Variants in SMYD3 observed in about 807,000 individuals in gnomAD.
SMYD3 encodes the protein histone-lysine N-methyltransferase SMYD3.
In SMYD3, 36 loss-of-function variants were observed where a neutral mutation model predicts 57.7. The ratio of observed to expected loss-of-function variants is 0.62; its 90% CI spans 0.48 to 0.82. SMYD3 has a LOEUF of 0.82. Among genes scored for constraint, SMYD3 ranks in the 40% least tolerant of loss-of-function variants. The pLI is 0.00. For synonymous variants in SMYD3, 211 were observed against 195.0 expected, an observed-to-expected ratio of 1.08 and a Z score of -0.68; for missense variants, 515 against 538.8, an observed-to-expected ratio of 0.96 and a Z score of 0.44.
chr1:246,176,959 T>C (rs2062445445), intron 5 of SMYD3, among the ~76,000 whole-genome samples: 2 of 152,216 alleles, frequency 1.3e-5, no homozygotes, highest in Non-Finnish European at 2.9e-5. Context: ...CTATAGACTT[T>C]AACCCAAATT....
At chr1:246,083,909 T>G (rs1202703147) in intron 5 of SMYD3, among the ~76,000 whole-genome samples, 2 of 152,122 alleles carry the variant, frequency 1.3e-5, no homozygotes, top group Non-Finnish European at 2.9e-5. Flanking sequence ...AATGAAAGAC[T>G]TTATTAGTAA....
intron 5 of SMYD3, among the ~76,000 whole-genome samples, chr1:245,979,984 G>A (rs1428159364): frequency 6.6e-6 from 1 of 152,218 alleles, no homozygotes; most frequent in African/African-American, 2.4e-5. Flanking sequence ...CAGTCTAGTG[G>A]ACATCGCACG....
intron 9 of SMYD3, among the ~76,000 whole-genome samples, chr1:245,861,550 G>T (rs9725801): frequency 1 from 151,557 of 152,314 alleles, 75,408 homozygotes; most frequent in Middle Eastern, 1. Flanking sequence ...AAGTCTAACC[G>T]GTGCATGGCA....
At chr1:246,470,520 A>AAAT (rs1572528032) in intron 1 of SMYD3, among the ~76,000 whole-genome samples, 1 of 141,782 alleles carries the variant, frequency 7.1e-6, no homozygotes, top group East Asian at 2.0e-4. Flanking sequence ...TAAAAAAAAA[A>AAAT]ATATATATAT....
chr1:245,757,234 G>T (rs1463020721), intron 11 of SMYD3, among the ~76,000 whole-genome samples: 1 of 151,982 alleles, frequency 6.6e-6, no homozygotes, highest in Non-Finnish European at 1.5e-5. Context: ...GGAATAATAT[G>T]ATATTTGTTC....
chr1:246,286,075 GTGTGGAGATTCCTTAAAGAAC>G, intron 5 of SMYD3, among the ~76,000 whole-genome samples: 1 of 152,190 alleles, frequency 6.6e-6, no homozygotes, highest in Non-Finnish European at 1.5e-5. Flanking sequence ...ATGGAAAACA[GTGTGGAGATTCCTTAAAGAAC>G]TAAAGTAGAA....
At chr1:245,807,278 A>C (rs1009775421) in intron 10 of SMYD3, among the ~76,000 whole-genome samples, 1 of 152,188 alleles carries the variant, frequency 6.6e-6, no homozygotes, top group African/African-American at 2.4e-5. Context: ...TCAGGTCAGC[A>C]AAAGGTCTTA....
chr1:246,216,286 C>CA (rs761129685), intron 5 of SMYD3, among the ~76,000 whole-genome samples: 2,278 of 125,550 alleles, frequency 0.018, 56 homozygotes, highest in African/African-American at 0.058. Context: ...GACTCCATTT[C>CA]AAAAAAAAAA....
chr1:246,361,582 G>GTA (rs1188482464), intron 1 of SMYD3, among the ~76,000 whole-genome samples: 1 of 152,052 alleles, frequency 6.6e-6, no homozygotes, highest in Non-Finnish European at 1.5e-5. Flanking sequence ...AGAAAATGTG[G>GTA]TATATATATA....
intron 5 of SMYD3, among the ~76,000 whole-genome samples, chr1:246,170,560 T>C (rs1443146158): frequency 6.6e-6 from 1 of 152,200 alleles, no homozygotes; most frequent in Non-Finnish European, 1.5e-5. Context: ...ACTCGATAAA[T>C]ATTTCTAAAT....
intron 5 of SMYD3, among the ~76,000 whole-genome samples, chr1:246,094,737 T>C (rs912935584): frequency 6.6e-6 from 1 of 152,238 alleles, no homozygotes; most frequent in African/African-American, 2.4e-5. Context: ...ACATATCACA[T>C]GAGCCATACT....
At chr1:246,276,529 C>T (rs1328362460) in intron 5 of SMYD3, among the ~76,000 whole-genome samples, 2 of 150,942 alleles carry the variant, frequency 1.3e-5, no homozygotes, top group South Asian at 2.1e-4. Context: ...TTTTACTAGC[C>T]GTATTAACAC....
chr1:245,878,824 G>C (rs941631579), intron 8 of SMYD3, among the ~76,000 whole-genome samples: 3 of 152,220 alleles, frequency 2.0e-5, no homozygotes, highest in Non-Finnish European at 2.9e-5. Context: ...GGGTTGGAGA[G>C]GGACAACGCA....
At chr1:246,476,951 T>C (rs2068037434) in intron 1 of SMYD3, among the ~76,000 whole-genome samples, 1 of 152,230 alleles carries the variant, frequency 6.6e-6, no homozygotes, top group African/African-American at 2.4e-5. Flanking sequence ...TGGAACACTC[T>C]AGCTCAGCAA....
chr1:245,921,091 G>T (rs1470599357), intron 7 of SMYD3, among the ~76,000 whole-genome samples: 3 of 152,114 alleles, frequency 2.0e-5, no homozygotes, highest in African/African-American at 7.2e-5. Context: ...AATTCAATAA[G>T]CAAATAACCC....
intron 5 of SMYD3, among the ~76,000 whole-genome samples, chr1:246,080,488 C>A (rs2060622530): frequency 6.6e-6 from 1 of 152,162 alleles, no homozygotes; most frequent in Admixed American, 6.5e-5. Context: ...CCGCCCCATC[C>A]ATGAAAAACT....
At chr1:246,499,721 GC>G (rs1249582646) in intron 1 of SMYD3, among the ~76,000 whole-genome samples, 1 of 152,054 alleles carries the variant, frequency 6.6e-6, no homozygotes, top group Non-Finnish European at 1.5e-5. Context: ...CTCCCAAAGT[GC>G]TGGAATTACA....
At chr1:245,824,610 C>T (rs2049365154) in intron 10 of SMYD3, among the ~76,000 whole-genome samples, 1 of 152,150 alleles carries the variant, frequency 6.6e-6, no homozygotes, top group Admixed American at 6.5e-5. Context: ...AATCCCAGCA[C>T]TTTGGGACGT....
intron 5 of SMYD3, among the ~76,000 whole-genome samples, chr1:246,084,198 T>TC (rs2060688737): frequency 6.6e-6 from 1 of 151,120 alleles, no homozygotes; most frequent in Non-Finnish European, 1.5e-5. Flanking sequence ...ACAATTCCTT[T>TC]TTTTTTTTTT....
Sources: gnomAD v4.1 joint callset for allele counts (sites outside exome capture counted in the v4.1 genomes callset) on GRCh38, gnomAD v4.1.1 for gene constraint, MANE v1.5 for transcripts, NCBI Gene and HGNC (gene_info 2026-07-23, HGNC 2026-07-21) for gene names.